STAC: variants seen among roughly 807,000 people sequenced by gnomAD.
STAC encodes the protein SH3 and cysteine rich domain, also known as SH3 and cysteine-rich domain-containing protein.
A neutral mutation model predicts 48.8 loss-of-function variants in STAC; 43 were observed. The observed-to-expected ratio is 0.88, with a 90% CI of 0.69 to 1.14. STAC has a LOEUF of 1.14. Ranked by LOEUF, STAC falls within the 50% of genes most tolerant of loss-of-function variation. The probability of loss-of-function intolerance (pLI) is 0.00; values close to 1 mark genes in which losing one functional copy is unlikely to be tolerated. For synonymous variants in STAC, 193 were observed against 179.5 expected, an observed-to-expected ratio of 1.07 and a Z score of -0.60; for missense variants, 497 against 504.0, an observed-to-expected ratio of 0.99 and a Z score of 0.13.
chr3:36,451,640 T>C (rs1474654642), intron 2 of STAC, among the ~76,000 whole-genome samples: 1 of 152,222 alleles, frequency 6.6e-6, no homozygotes, highest in African/African-American at 2.4e-5. Flanking sequence ...ACATAATAAT[T>C]GTACCTATTT....
At chr3:36,407,831 T>C (rs1700114897) in intron 1 of STAC, among the ~76,000 whole-genome samples, 2 of 152,304 alleles carry the variant, frequency 1.3e-5, no homozygotes, top group South Asian at 4.1e-4. Context: ...AGTCTGGGTA[T>C]AGGTTAGCTG....
Position 36,546,284 on chromosome 3 carries a change from A to G in STAC, c.1204A>G (p.Ile402Val). The change falls in exon 11 of 11, where the codon ATC becomes GTC. Residue 402 changes from isoleucine to valine, a missense_variant. Physicochemically the swap from Ile to Val is conservative, Grantham distance 29 (BLOSUM62 3). Transcript: ENST00000273183. ...GLIPLDVLEN[I>V] The stretch of plus-strand genomic sequence containing the variant: ...CATCCCCCTTGATGTACTAGAAAAC[A>G]TCTGATTGCTGGCTCCTCCTCCGTT... 6.2e-7 allele frequency: 1 copy of G among 1,613,866 alleles called. No homozygotes were observed. Among genetic ancestry groups the G allele is most frequent in the Non-Finnish European group, 8.5e-7 (1 of 1,179,774 alleles).
intron 2 of STAC, among the ~76,000 whole-genome samples, chr3:36,448,629 T>A (rs911360491): frequency 6.6e-6 from 1 of 152,168 alleles, no homozygotes; most frequent in Non-Finnish European, 1.5e-5. Flanking sequence ...ATGTTTGGCC[T>A]GGAAAAGACT....
At position 36,380,586 on chromosome 3, in the gene STAC, G is replaced by A. The variant is rs1045924343; in HGVS notation, c.-58G>A. 14 of 1,386,724 alleles carry A rather than the reference G, an allele frequency of 1.0e-5. No homozygotes were observed. Among genetic ancestry groups the A allele is most frequent in the Non-Finnish European group, 1.4e-5 (14 of 1,000,006 alleles). The allele number at this position is 1,386,724 out of a possible 1,614,324, so 85.9% of individuals were successfully genotyped here. A position where few individuals can be genotyped will look rare whatever the true frequency, so the allele number is the denominator to read the frequency against. On this transcript the variant is annotated 5_prime_UTR_variant, in exon 1 of 11. Coordinates refer to ENST00000273183, the MANE Select transcript of STAC (RefSeq NM_003149.3). ...GCCTGGCGCGCGGCGGGCAGGGCGCGCAGGACAGAAGCCTCGCTGTTCCTC... is the reference window on the plus strand; with the variant it reads ...GCCTGGCGCGCGGCGGGCAGGGCGCACAGGACAGAAGCCTCGCTGTTCCTC...
At chr3:36,496,075 T>G (rs577068097) in intron 6 of STAC, among the ~76,000 whole-genome samples, 1 of 152,228 alleles carries the variant, frequency 6.6e-6, no homozygotes, top group African/African-American at 2.4e-5. Flanking sequence ...AGACATCAAG[T>G]TGACAATTTT....
intron 8 of STAC, among the ~76,000 whole-genome samples, chr3:36,514,569 T>C (rs1267953380): frequency 1.3e-5 from 2 of 152,194 alleles, no homozygotes; most frequent in African/African-American, 4.8e-5. Context: ...TGAGAACAAG[T>C]CTGTAATTAC....
At chr3:36,449,937 C>A (rs916246577) in intron 2 of STAC, among the ~76,000 whole-genome samples, 9 of 152,210 alleles carry the variant, frequency 5.9e-5, no homozygotes, top group East Asian at 1.9e-4. Flanking sequence ...CATGGAATGT[C>A]CTAATAGTAT....
At position 36,528,862 on chromosome 3, in the gene STAC, C is replaced by T. The variant is rs779619398; in HGVS notation, c.987C>T (p.Asp329=). The change falls in exon 10 of 11, where the codon GAC becomes GAT. Residue 329 remains aspartate (D), a synonymous_variant. Transcript: ENST00000273183. Reference sequence around the variant, plus strand: ...TTTCCTTTCAGGGGAAAATTCAAGACAGAATTGGCTTCTTTCCAGCCAACT... The same window carrying T: ...TTTCCTTTCAGGGGAAAATTCAAGATAGAATTGGCTTCTTTCCAGCCAACT... The part of the protein sequence containing the change: ...NEDWWKGKIQ[D]RIGFFPANFV... 2 of 1,613,094 alleles carry T rather than the reference C, an allele frequency of 1.2e-6. No homozygotes were observed. The highest frequency in any genetic ancestry group is 1.7e-6 in the Non-Finnish European group (2 of 1,179,512).
At chr3:36,511,831 A>G (rs1449234604) in intron 8 of STAC, among the ~76,000 whole-genome samples, 2 of 152,180 alleles carry the variant, frequency 1.3e-5, no homozygotes, top group Admixed American at 1.3e-4. Context: ...AAACTCTTAT[A>G]AATAGTGAGA....
intron 2 of STAC, among the ~76,000 whole-genome samples, chr3:36,464,638 C>T (rs1187915477): frequency 2.6e-5 from 4 of 152,020 alleles, no homozygotes; most frequent in Non-Finnish European, 1.5e-5. Context: ...CTTTCTTATG[C>T]CTTTGCCTTT....
chr3:36,489,397 G>T (rs1430596653), intron 5 of STAC, among the ~76,000 whole-genome samples: 1 of 152,156 alleles, frequency 6.6e-6, no homozygotes, highest in East Asian at 1.9e-4. Flanking sequence ...GGCACAGTTT[G>T]CCGTTTTCTG....
intron 1 of STAC, among the ~76,000 whole-genome samples, chr3:36,424,042 A>G: frequency 6.6e-6 from 1 of 152,204 alleles, no homozygotes; most frequent in Non-Finnish European, 1.5e-5. Flanking sequence ...TGAAAACTTG[A>G]GGACAAGGGG....
intron 1 of STAC, among the ~76,000 whole-genome samples, chr3:36,441,791 A>G (rs1696358179): frequency 6.6e-6 from 1 of 152,186 alleles, no homozygotes; most frequent in South Asian, 2.1e-4. Context: ...CTGGAGTGAG[A>G]TGATACTTCA....
chr3:36,445,388 G>C (rs1455225563), intron 2 of STAC, among the ~76,000 whole-genome samples: 2 of 151,932 alleles, frequency 1.3e-5, no homozygotes, highest in African/African-American at 4.8e-5. Flanking sequence ...CTCTTTTCAA[G>C]GACAGAAACA....
chr3:36,403,387 G>GA (rs1228415345), intron 1 of STAC, among the ~76,000 whole-genome samples: 2 of 150,558 alleles, frequency 1.3e-5, no homozygotes, highest in Non-Finnish European at 3.0e-5. Flanking sequence ...TCTCCACTGG[G>GA]AAAAAAACAG....
rs114421874 is a variant in STAC at position 36,514,058 on chromosome 3, C to T, written c.920+8224C>T. ...AAAAGGAGATAATCACTTTGCCTGC[C>T]CTAAGTCTGCTCGAAACACACATAT... On this transcript the variant is annotated intron_variant, in intron 8 of 10. Transcript: ENST00000273183. 6.8e-3 allele frequency among the ~76,000 whole-genome samples: 1,034 copies of T among 152,054 alleles called. 13 individuals are homozygous for T. Among genetic ancestry groups the T allele is most frequent in the African/African-American group, 0.023 (973 of 41,452 alleles).
intron 2 of STAC, among the ~76,000 whole-genome samples, chr3:36,477,398 T>A (rs1487616216): frequency 6.6e-6 from 1 of 152,226 alleles, no homozygotes; most frequent in Non-Finnish European, 1.5e-5. Context: ...GATTGAGGAT[T>A]AAGCAATGCT....
intron 1 of STAC, among the ~76,000 whole-genome samples, chr3:36,441,359 C>T (rs956166611): frequency 1.3e-5 from 2 of 152,036 alleles, no homozygotes; most frequent in African/African-American, 4.8e-5. Flanking sequence ...ACTTTCTTTT[C>T]CTGGCTTATT....
intron 7 of STAC, 142 bp downstream of exon 7, chr3:36,504,599 C>T (rs1698355400): frequency 1.5e-6 from 1 of 667,486 alleles, no homozygotes; most frequent in African/African-American, 1.8e-5. Flanking sequence ...CACAACGTAC[C>T]ATAGCATGGA....
Sources: allele counts gnomAD v4.1 joint callset (sites outside exome capture counted in the v4.1 genomes callset), GRCh38; gene constraint gnomAD v4.1.1; transcripts MANE v1.5; gene names NCBI Gene and HGNC (gene_info 2026-07-23, HGNC 2026-07-21).